Variants in CADM2 observed in about 807,000 individuals in gnomAD.
CADM2 encodes cell adhesion molecule 2.
A neutral mutation model predicts 49.8 loss-of-function variants in CADM2; 12 were observed. The ratio of observed to expected loss-of-function variants is 0.24; its 90% CI spans 0.15 to 0.39. The LOEUF is 0.39. CADM2 is among the 10% of genes least tolerant of loss of function. The pLI is 1.00. For missense variants in CADM2, 378 were observed against 492.3 expected (o/e 0.77, Z 2.20); for synonymous variants, 214 against 175.4 (o/e 1.22, Z -1.74).
chr3:85,857,152 A>G (rs1338617223), intron 3 of CADM2, among the ~76,000 whole-genome samples: 1 of 152,178 alleles, frequency 6.6e-6, no homozygotes, highest in African/African-American at 2.4e-5. Flanking sequence ...GGTCTCTTTT[A>G]TAAGGGTGCT....
intron 1 of CADM2, among the ~76,000 whole-genome samples, chr3:85,504,038 G>A (rs1205359123): frequency 1.3e-5 from 2 of 152,172 alleles, no homozygotes; most frequent in African/African-American, 4.8e-5. Flanking sequence ...GTCCGGACTT[G>A]GTGGGTTCTT....
At chr3:86,058,037 C>T (rs936433661) in intron 8 of CADM2, among the ~76,000 whole-genome samples, 1 of 152,136 alleles carries the variant, frequency 6.6e-6, no homozygotes, top group Non-Finnish European at 1.5e-5. Flanking sequence ...ACGTACTTTA[C>T]ATACATTGAA....
At chr3:85,895,146 A>G (rs923149842) in intron 5 of CADM2, among the ~76,000 whole-genome samples, 16 of 152,184 alleles carry the variant, frequency 1.1e-4, no homozygotes, top group African/African-American at 3.9e-4. Context: ...CCTGCTATGA[A>G]TGCAGCTGGG....
chr3:85,764,841 A>G (rs2069578318), intron 2 of CADM2, among the ~76,000 whole-genome samples: 1 of 152,098 alleles, frequency 6.6e-6, no homozygotes, highest in African/African-American at 2.4e-5. Flanking sequence ...AGAGTTGTAA[A>G]GTAGGTTTTA....
chr3:85,455,177 C>G (rs111657932), intron 1 of CADM2, among the ~76,000 whole-genome samples: 1 of 151,802 alleles, frequency 6.6e-6, no homozygotes, highest in South Asian at 2.1e-4. Flanking sequence ...TAGTTTAGCT[C>G]AAAAAAGAAA....
chr3:85,748,688 C>G lies in CADM2; in HGVS notation c.88+22140C>G, dbSNP rs561041977. On this transcript the variant is annotated intron_variant, in intron 2 of 9. Coordinates refer to ENST00000383699, the MANE Select transcript of CADM2 (RefSeq NM_001167675.2). ...ATCCTAATCCCATTTAGGGGGGTTT[C>G]CTTTATGCACTTTTATGGTGGCCTG... 8.5e-5 allele frequency among the ~76,000 whole-genome samples: 13 copies of G among 152,174 alleles called. 1 individual carries two copies. The South Asian group carries it at 2.7e-3, about 32-fold the overall frequency.
chr3:85,625,588 C>T (rs1327954816), intron 1 of CADM2, among the ~76,000 whole-genome samples: 2 of 151,896 alleles, frequency 1.3e-5, no homozygotes, highest in African/African-American at 2.4e-5. Context: ...CACACCTCAG[C>T]GAGGATGTCA....
intron 1 of CADM2, among the ~76,000 whole-genome samples, chr3:85,620,281 C>G (rs2063933052): frequency 6.6e-6 from 1 of 151,902 alleles, no homozygotes; most frequent in African/African-American, 2.4e-5. Context: ...CATTATTTGG[C>G]TTATATTTCA....
rs537037570 is a variant in CADM2, at chr3:85,967,853, A to C, written c.970+6206A>C. ...GTATGGGTGGCTGGGGAAGGAAAAAAAGAAGCCTGGATTATGGACAGATGT... is the reference window on the plus strand; with the variant it reads ...GTATGGGTGGCTGGGGAAGGAAAAACAGAAGCCTGGATTATGGACAGATGT... On this transcript the variant is annotated intron_variant, in intron 8 of 9. Coordinates refer to ENST00000383699, the MANE Select transcript of CADM2 (RefSeq NM_001167675.2). Among the ~76,000 whole-genome samples, 27 of 151,652 alleles carry C rather than the reference A, an allele frequency of 1.8e-4. No homozygotes were observed. The South Asian group carries it at 5.4e-3, about 30-fold the overall frequency.
intron 1 of CADM2, among the ~76,000 whole-genome samples, chr3:84,986,569 C>T (rs1283417420): frequency 1.3e-5 from 2 of 151,286 alleles, no homozygotes; most frequent in Admixed American, 6.6e-5. Flanking sequence ...CACATGGACA[C>T]AGGAAGGGGA....
chr3:85,698,483 A>G (rs1052441623), intron 1 of CADM2, among the ~76,000 whole-genome samples: 2 of 152,188 alleles, frequency 1.3e-5, no homozygotes, highest in African/African-American at 2.4e-5. Flanking sequence ...TGCAGGCTGT[A>G]TAGGAAGCAT....
intron 1 of CADM2, among the ~76,000 whole-genome samples, chr3:85,643,256 A>T (rs1477390298): frequency 6.6e-6 from 1 of 152,098 alleles, no homozygotes; most frequent in Non-Finnish European, 1.5e-5. Flanking sequence ...GGCTTGCTTT[A>T]TTTTTCTACA....
In CADM2 at chr3:86,072,811, T is replaced by G. The variant is rs1703359237; in HGVS notation, c.*6028T>G. The G allele has an allele frequency of 6.6e-6, 1 of 152,082 alleles. No individual in the cohort carries two copies. The highest frequency in any genetic ancestry group is 1.5e-5 in the Non-Finnish European group (1 of 67,972). 9.4% of individuals were successfully genotyped at this position (152,082 alleles called of 1,614,324 possible). ...AAACTGAATTGTTATATCTCTATCC[T>G]TTTTGCTTTTCTCTGTGTTTTTAAT... On this transcript the variant is annotated 3_prime_UTR_variant, in exon 10 of 10. Transcript: ENST00000383699.
chr3:85,294,278 G>T (rs1009107509), intron 1 of CADM2, among the ~76,000 whole-genome samples: 3 of 152,004 alleles, frequency 2.0e-5, no homozygotes, highest in Non-Finnish European at 2.9e-5. Flanking sequence ...CACTGCTCAA[G>T]GAAATAAAAG....
At chr3:85,155,579 A>C (rs1184061523) in intron 1 of CADM2, among the ~76,000 whole-genome samples, 2 of 152,262 alleles carry the variant, frequency 1.3e-5, no homozygotes, top group Non-Finnish European at 2.9e-5. Flanking sequence ...TCAGCTCTGC[A>C]TCAAGAGGAC....
chr3:86,065,465 A>G (rs1307674235), intron 8 of CADM2, 140 bp from the exon 9 acceptor site: 4 of 761,672 alleles, frequency 5.3e-6, no homozygotes, highest in Non-Finnish European at 8.1e-6. Context: ...ATTTGTTCAC[A>G]GGATGACTGG....
chr3:85,842,241 C>T (rs895270158), intron 3 of CADM2, among the ~76,000 whole-genome samples: 2 of 152,108 alleles, frequency 1.3e-5, no homozygotes, highest in African/African-American at 4.8e-5. Flanking sequence ...ATGACCTATC[C>T]CCACAAGAGG....
chr3:85,894,586 T>C (rs1219592660), intron 5 of CADM2, among the ~76,000 whole-genome samples: 2 of 151,696 alleles, frequency 1.3e-5, no homozygotes, highest in South Asian at 2.1e-4. Context: ...ACCAAGACAA[T>C]GAGGAAAATG....
chr3:85,245,174 G>C (rs2042617608), intron 1 of CADM2, among the ~76,000 whole-genome samples: 2 of 152,104 alleles, frequency 1.3e-5, no homozygotes, highest in African/African-American at 2.4e-5. Flanking sequence ...GTCTGGATGA[G>C]TGCTCTGTGG....
Sources: allele counts gnomAD v4.1 joint callset (sites outside exome capture counted in the v4.1 genomes callset), GRCh38; gene constraint gnomAD v4.1.1; transcripts MANE v1.5; gene names NCBI Gene and HGNC (gene_info 2026-07-23, HGNC 2026-07-21).